Variants in HPCAL1 observed in about 807,000 individuals in gnomAD.
HPCAL1 encodes hippocalcin-like protein 1.
A neutral mutation model predicts 17.1 loss-of-function variants in HPCAL1; 8 were observed. The ratio of observed to expected loss-of-function variants is 0.47; its 90% CI spans 0.27 to 0.84. The LOEUF (loss-of-function observed/expected upper bound fraction) is 0.84. Among genes scored for constraint, HPCAL1 ranks in the 40% least tolerant of loss-of-function variants. The pLI is 0.13. For missense variants in HPCAL1, 165 were observed against 271.1 expected (o/e 0.61, Z 2.75); for synonymous variants, 112 against 111.4 (o/e 1.01, Z -0.03).
chr2:10,405,466 G>A (rs999804166), intron 2 of HPCAL1, among the ~76,000 whole-genome samples: 4 of 152,256 alleles, frequency 2.6e-5, no homozygotes, highest in African/African-American at 4.8e-5. Context: ...TGAGGCACTC[G>A]ACAGCAGAGT....
At position 10,419,321 on chromosome 2, in the gene HPCAL1, G is replaced by A. The variant is rs563560835; in HGVS notation, c.-24-413G>A. Among the ~76,000 whole-genome samples the A allele has an allele frequency of 2.6e-5, 4 of 152,274 alleles. No individual in the cohort carries two copies. Among genetic ancestry groups the A allele is most frequent in the African/African-American group, 9.6e-5 (4 of 41,546 alleles). Reference sequence around the variant, plus strand: ...AACATAATGTGATGCCTGAAAGAGGGAAGAACTGCCCCAAAGAGTCTGGGA... The same window carrying A: ...AACATAATGTGATGCCTGAAAGAGGAAAGAACTGCCCCAAAGAGTCTGGGA... On this transcript the variant is annotated intron_variant, in intron 2 of 4. Coordinates refer to ENST00000307845, the MANE Select transcript of HPCAL1 (RefSeq NM_002149.4). The surrounding 1 kb of genome is among the most constrained non-coding windows in gnomAD (Gnocchi z 5.0).
At chr2:10,347,424 C>T (rs142776898) in intron 1 of HPCAL1, among the ~76,000 whole-genome samples, 2 of 152,278 alleles carry the variant, frequency 1.3e-5, no homozygotes, top group East Asian at 3.9e-4. Context: ...TGATAATGGT[C>T]ACTTCGCCTA....
intron 1 of HPCAL1, among the ~76,000 whole-genome samples, chr2:10,336,346 G>C (rs923831286): frequency 1.3e-5 from 2 of 152,174 alleles, no homozygotes; most frequent in African/African-American, 2.4e-5. Context: ...TCCTTTGTCA[G>C]TTCATGCTAT....
chr2:10,339,520 TG>T (rs1250440839), intron 1 of HPCAL1, among the ~76,000 whole-genome samples: 8 of 152,196 alleles, frequency 5.3e-5, no homozygotes, highest in Non-Finnish European at 1.2e-4. Flanking sequence ...TTAATTTTTT[TG>T]TATTTTTAGT....
At chr2:10,391,074 G>A (rs1668661651) in intron 1 of HPCAL1, among the ~76,000 whole-genome samples, 1 of 152,208 alleles carries the variant, frequency 6.6e-6, no homozygotes, top group Admixed American at 6.5e-5. Flanking sequence ...CTGGGCCATG[G>A]GCTTCTCAAA....
chr2:10,317,347 A>G (rs1306418704), intron 1 of HPCAL1, among the ~76,000 whole-genome samples: 3 of 152,108 alleles, frequency 2.0e-5, no homozygotes, highest in African/African-American at 4.8e-5. Flanking sequence ...AACTTCACCA[A>G]CAAAATCTCT....
intron 1 of HPCAL1, among the ~76,000 whole-genome samples, chr2:10,383,118 A>G (rs922945761): frequency 2.0e-5 from 3 of 152,220 alleles, no homozygotes; most frequent in Non-Finnish European, 4.4e-5. Flanking sequence ...CATGCCTGTC[A>G]TCCCAGCACT....
rs1339217499 is a variant in HPCAL1 at position 10,365,988 on chromosome 2, T to C, written c.-110-30847T>C. Among the ~76,000 whole-genome samples, 1 of 152,136 alleles carries C rather than the reference T, an allele frequency of 6.6e-6. No homozygotes were observed. The highest frequency in any genetic ancestry group is 1.5e-5 in the Non-Finnish European group (1 of 68,014). On this transcript the variant is annotated intron_variant, in intron 1 of 4. Transcript: ENST00000307845. This position sits in a 1 kb window ranked among gnomAD's most constrained non-coding sequence, Gnocchi z 4.8. The stretch of plus-strand genomic sequence containing the variant: ...ACTCCCCCAGACACACTGAGTACTC[T>C]TTCCTCAAGCTCAGTGCAGTTCGTC...
At chr2:10,401,245 C>T (rs986060468) in intron 2 of HPCAL1, among the ~76,000 whole-genome samples, 65 of 152,194 alleles carry the variant, frequency 4.3e-4, no homozygotes, top group Non-Finnish European at 3.1e-4. Flanking sequence ...GCATCCAGCA[C>T]CACACCAGGC....
chr2:10,368,746 G>C (rs1299778301), intron 1 of HPCAL1: 1 of 152,248 alleles, frequency 6.6e-6, no homozygotes, highest in Non-Finnish European at 1.5e-5. Flanking sequence ...AGGTCAGTGG[G>C]TGTGTGTTTG....
chr2:10,377,137 C>T lies in HPCAL1; in HGVS notation c.-110-19698C>T, dbSNP rs1265679691. Among the ~76,000 whole-genome samples the T allele has an allele frequency of 2.6e-5, 4 of 152,128 alleles. No homozygotes were observed. Among genetic ancestry groups the T allele is most frequent in the Non-Finnish European group, 5.9e-5 (4 of 68,010 alleles). ...CAGTACTCTGTTCCTGGGTGTGCAC[C>T]GTTAACTTCTTTAATGAACATCCTG... On this transcript the variant is annotated intron_variant, in intron 1 of 4. Transcript: ENST00000307845. This position sits in a 1 kb window ranked among gnomAD's most constrained non-coding sequence, Gnocchi z 5.9.
Position 10,395,546 on chromosome 2 carries a change from G to A in HPCAL1, c.-110-1289G>A, listed in dbSNP as rs552948103. On this transcript the variant is annotated intron_variant, in intron 1 of 4. Coordinates refer to ENST00000307845, the MANE Select transcript of HPCAL1 (RefSeq NM_002149.4). This position sits in a 1 kb window ranked among gnomAD's most constrained non-coding sequence, Gnocchi z 4.4. ...GCGAGGGGAGCCCCGCTGGCACGCC[G>A]CACTGTGCTGAGGCTGGGTGTTCTA... 3.3e-5 allele frequency among the ~76,000 whole-genome samples: 5 copies of A among 152,342 alleles called. No homozygotes were observed. Among genetic ancestry groups the A allele is most frequent in the African/African-American group, 1.2e-4 (5 of 41,578 alleles).
In HPCAL1 at chr2:10,426,743, A is replaced by C. The variant is rs773398188; in HGVS notation, c.504A>C (p.Glu168Asp). The C allele has an allele frequency of 2.6e-5, 42 of 1,613,288 alleles. No homozygotes were observed. Among genetic ancestry groups the C allele is most frequent in the Non-Finnish European group, 3.5e-5 (41 of 1,179,956 alleles). The change falls in exon 5 of 5, where the codon GAA (glutamate) becomes GAC (aspartate). Residue 168 changes from glutamate to aspartate, a missense_variant. By Grantham distance (45) the Glu-to-Asp change is conservative. Transcript: ENST00000307845. ...CTGCAGGCAAACTGTCCTTGGAAGA[A>C]TTCATCAGAGGTGCCAAGAGCGACC... ...TNNDGKLSLE[E>D]FIRGAKSDPS...
At chr2:10,389,270 C>T (rs1265984316) in intron 1 of HPCAL1, among the ~76,000 whole-genome samples, 1 of 152,214 alleles carries the variant, frequency 6.6e-6, no homozygotes, top group African/African-American at 2.4e-5. Context: ...GGGAATAAAT[C>T]TGATTGCAGT....
intron 1 of HPCAL1, among the ~76,000 whole-genome samples, chr2:10,316,783 G>T (rs1438207347): frequency 6.6e-6 from 1 of 152,160 alleles, no homozygotes; most frequent in East Asian, 1.9e-4. Context: ...TCACTCAGTG[G>T]CTGCTTGCTG....
intron 4 of HPCAL1, chr2:10,425,713 C>A (rs1179789787): frequency 6.6e-6 from 1 of 152,342 alleles, no homozygotes; most frequent in African/African-American, 2.4e-5. Context: ...TGTGCTGGGC[C>A]TGGCTGCATG....
Position 10,344,046 on chromosome 2 carries a change from G to C in HPCAL1, c.-111+40869G>C, listed in dbSNP as rs1011766696. On this transcript the variant is annotated intron_variant, in intron 1 of 4. Coordinates refer to ENST00000307845, the MANE Select transcript of HPCAL1 (RefSeq NM_002149.4). The surrounding 1 kb of genome is among the most constrained non-coding windows in gnomAD (Gnocchi z 4.9). ...TGTTGCTTTCTAACTGGGTTACTGA[G>C]CTGTCGAAGGAGCAGGGATGAAGAC... Among the ~76,000 whole-genome samples the C allele has an allele frequency of 6.6e-6, 1 of 152,340 alleles. No homozygotes were observed. The highest frequency in any genetic ancestry group is 2.4e-5 in the African/African-American group (1 of 41,580).
At chr2:10,383,254 C>G (rs1241696850) in intron 1 of HPCAL1, among the ~76,000 whole-genome samples, 2 of 149,906 alleles carry the variant, frequency 1.3e-5, no homozygotes, top group East Asian at 4.2e-4. Context: ...TGCCTGTGGT[C>G]CCAGCTACTC....
intron 2 of HPCAL1, among the ~76,000 whole-genome samples, chr2:10,408,148 T>C (rs951385461): frequency 2.0e-5 from 3 of 152,240 alleles, no homozygotes; most frequent in Non-Finnish European, 2.9e-5. Context: ...GGGATTTCCC[T>C]TTTCCTTTCT....
Sources: allele counts gnomAD v4.1 joint callset (sites outside exome capture counted in the v4.1 genomes callset), GRCh38; gene constraint gnomAD v4.1.1; non-coding constraint Gnocchi (gnomAD v3.1); transcripts MANE v1.5; gene names NCBI Gene and HGNC (gene_info 2026-07-23, HGNC 2026-07-21).